Variants in MEGF11 observed in about 807,000 individuals in gnomAD.
MEGF11 encodes multiple epidermal growth factor-like domains protein 11.
In MEGF11, 126 loss-of-function variants were observed where a neutral mutation model predicts 146.6. That is an observed-to-expected ratio of 0.86 (90% CI 0.74 to 1.00). MEGF11 has a LOEUF of 1.00. Ranked by LOEUF, MEGF11 falls within the 50% of genes least tolerant of loss-of-function variation. The pLI, the probability that MEGF11 is intolerant of heterozygous loss-of-function variation, is 0.00. For synonymous variants in MEGF11, 532 were observed against 583.4 expected, an observed-to-expected ratio of 0.91 and a Z score of 1.27; for missense variants, 1,509 against 1,521.2, an observed-to-expected ratio of 0.99 and a Z score of 0.13.
intron 4 of MEGF11, among the ~76,000 whole-genome samples, chr15:66,100,251 G>A (rs2086733612): frequency 1.3e-5 from 2 of 152,182 alleles, no homozygotes; most frequent in African/African-American, 2.4e-5. Flanking sequence ...TACAGAGAGG[G>A]CCAGGCCTTG....
chr15:66,024,727 G>A (rs2083270973), intron 5 of MEGF11, among the ~76,000 whole-genome samples: 1 of 152,162 alleles, frequency 6.6e-6, no homozygotes, highest in Non-Finnish European at 1.5e-5. Flanking sequence ...TGGCTTCAGA[G>A]CTTGTGAAAA....
intron 1 of MEGF11, among the ~76,000 whole-genome samples, chr15:66,227,059 G>A (rs2091869656): frequency 6.6e-6 from 1 of 152,210 alleles, no homozygotes; most frequent in Non-Finnish European, 1.5e-5. Context: ...GGAGGCCTCT[G>A]AAAAGCCTTG....
intron 1 of MEGF11, among the ~76,000 whole-genome samples, chr15:66,143,062 A>G (rs2089229805): frequency 3.3e-5 from 5 of 152,252 alleles, no homozygotes; most frequent in Admixed American, 3.3e-4. Flanking sequence ...AAGAGCAGAC[A>G]TGAGCAGGGA....
At chr15:65,926,064 C>T (rs760511745) in intron 13 of MEGF11, among the ~76,000 whole-genome samples, 1 of 152,158 alleles carries the variant, frequency 6.6e-6, no homozygotes, top group Non-Finnish European at 1.5e-5. Context: ...ATCTTTGGTG[C>T]CCAACAGTGT....
At chr15:66,193,642 T>C (rs2090936374) in intron 1 of MEGF11, among the ~76,000 whole-genome samples, 1 of 152,126 alleles carries the variant, frequency 6.6e-6, no homozygotes, top group African/African-American at 2.4e-5. Context: ...GCTGACTTTG[T>C]ATACGTGGGT....
intron 2 of MEGF11, among the ~76,000 whole-genome samples, chr15:66,126,354 A>G (rs2088346111): frequency 6.6e-6 from 1 of 152,202 alleles, no homozygotes; most frequent in Non-Finnish European, 1.5e-5. Context: ...AGAAGCCCAG[A>G]GAGTCCCCAG....
intron 10 of MEGF11, among the ~76,000 whole-genome samples, chr15:65,951,703 CAAACAAACAAAA>C (rs1000284214): frequency 1.7e-4 from 25 of 150,038 alleles, no homozygotes; most frequent in African/African-American, 5.8e-4. Flanking sequence ...AACAAACAAA[CAAACAAACAAAA>C]AAACCCCAAC....
intron 7 of MEGF11, among the ~76,000 whole-genome samples, chr15:65,978,013 G>A (rs780842100): frequency 7.9e-5 from 12 of 152,264 alleles, no homozygotes; most frequent in Admixed American, 5.9e-4. Flanking sequence ...TGTTGGGCTA[G>A]CGGAATATCC....
rs558556736 is a variant in MEGF11, at chr15:65,933,231, C to T, written c.1288-2288G>A. ...TGGAGTCTGTCAGCTTTCCCATTAC[C>T]CAGAAAACTCCAATTTCTCCAAGAT... On this transcript the variant is annotated intron_variant, in intron 10 of 25. Transcript: ENST00000395614. Among the ~76,000 whole-genome samples the T allele has an allele frequency of 2.2e-3, 336 of 152,336 alleles. 3 individuals are homozygous for T. Among genetic ancestry groups the T allele is most frequent in the Middle Eastern group, 0.017 (5 of 294 alleles).
Position 66,066,742 on chromosome 15 carries a change from T to A in MEGF11, c.394+27660A>T, listed in dbSNP as rs1284928928. Among the ~76,000 whole-genome samples the A allele has an allele frequency of 2.6e-5, 4 of 152,174 alleles. No individual in the cohort carries two copies. The East Asian group carries it at 7.7e-4, about 29-fold the overall frequency. On this transcript the variant is annotated intron_variant, in intron 5 of 25. Transcript: ENST00000395614. The stretch of plus-strand genomic sequence containing the variant: ...GCTGAGCCTGCCTCCTTAATGCACC[T>A]CCCTGATCAGCCCACCGGGCTGAGG...
intron 5 of MEGF11, among the ~76,000 whole-genome samples, chr15:66,073,708 T>C (rs2085463403): frequency 6.6e-6 from 1 of 152,184 alleles, no homozygotes; most frequent in Non-Finnish European, 1.5e-5. Context: ...TATGGCAGAG[T>C]TGGGTGGGCA....
intron 1 of MEGF11, among the ~76,000 whole-genome samples, chr15:66,175,782 C>T (rs1353424116): frequency 6.6e-6 from 1 of 152,082 alleles, no homozygotes; most frequent in East Asian, 1.9e-4. Flanking sequence ...ATGGGGAAGA[C>T]TTCAAAAGCA....
At chr15:66,201,942 A>T (rs908064114) in intron 1 of MEGF11, among the ~76,000 whole-genome samples, 1 of 93,772 alleles carries the variant, frequency 1.1e-5, no homozygotes, top group Non-Finnish European at 2.0e-5. Context: ...GCAAGACTCC[A>T]TCTCAAAAAA....
At chr15:66,046,878 C>T (rs1008607467) in intron 5 of MEGF11, among the ~76,000 whole-genome samples, 7 of 152,218 alleles carry the variant, frequency 4.6e-5, no homozygotes, top group African/African-American at 1.4e-4. Context: ...CAGTTCCCCT[C>T]CTCACTCCAA....
intron 10 of MEGF11, among the ~76,000 whole-genome samples, chr15:65,945,792 C>A (rs933443776): frequency 1.3e-5 from 2 of 152,136 alleles, no homozygotes; most frequent in Admixed American, 6.5e-5. Context: ...GGCTCCATCA[C>A]CCCCAAGGCC....
At position 65,955,470 on chromosome 15, in the gene MEGF11, G is replaced by A. The variant is rs987711490; in HGVS notation, c.1287+2077C>T. On this transcript the variant is annotated intron_variant, in intron 10 of 25. Coordinates refer to ENST00000395614, the MANE Select transcript of MEGF11 (RefSeq NM_001385028.1). The stretch of plus-strand genomic sequence containing the variant: ...TTAAACAAATATATTTAGGCCAGAA[G>A]TGGTGGCTCATGCCTGTAATCTCAG... Among the ~76,000 whole-genome samples the A allele has an allele frequency of 2.0e-5, 3 of 149,494 alleles. No individual in the cohort carries two copies. In the South Asian group the frequency reaches 6.3e-4, roughly 31 times the overall value.
chr15:66,097,850 C>G (rs1025802704), intron 4 of MEGF11, among the ~76,000 whole-genome samples: 9 of 152,008 alleles, frequency 5.9e-5, no homozygotes, highest in African/African-American at 2.2e-4. Flanking sequence ...ATGCCAAAAG[C>G]CTGCTCGCAC....
At chr15:65,920,617 C>G (rs2079143208) in intron 15 of MEGF11, among the ~76,000 whole-genome samples, 2 of 152,188 alleles carry the variant, frequency 1.3e-5, no homozygotes, top group African/African-American at 4.8e-5. Context: ...TTAGCTGAAT[C>G]AAGAGTAAGG....
At position 65,900,257 on chromosome 15, in the gene MEGF11, A is replaced by G. The variant is rs117912073; in HGVS notation, c.3056-1323T>C. Among the ~76,000 whole-genome samples the G allele has an allele frequency of 1.1e-4, 16 of 152,340 alleles. No homozygotes were observed. In the East Asian group the frequency reaches 3.1e-3, roughly 29 times the overall value. ...TGGATGATCTGTCACTAGAACTACC[A>G]CAGTTTACATTTTGGGCTGCTATTT... On this transcript the variant is annotated intron_variant, in intron 24 of 25. Coordinates refer to ENST00000395614, the MANE Select transcript of MEGF11 (RefSeq NM_001385028.1).
Sources: allele counts gnomAD v4.1 joint callset (sites outside exome capture counted in the v4.1 genomes callset), GRCh38; gene constraint gnomAD v4.1.1; transcripts MANE v1.5; gene names NCBI Gene and HGNC (gene_info 2026-07-23, HGNC 2026-07-21).